The following SFMBT2 variants were observed in gnomAD, a reference collection of about 807,000 sequenced individuals.
SFMBT2 encodes the protein Scm like with four mbt domains 2.
Under a neutral mutation model 110.1 loss-of-function variants are expected in SFMBT2, and 38 were observed. That is an observed-to-expected ratio of 0.35 (90% CI 0.27 to 0.45). The LOEUF (loss-of-function observed/expected upper bound fraction) is 0.45. Among genes scored for constraint, SFMBT2 ranks in the 20% least tolerant of loss-of-function variants. SFMBT2 has a pLI of 1.00. For synonymous variants in SFMBT2, 425 were observed against 425.4 expected, an observed-to-expected ratio of 1.00 and a Z score of 0.01; for missense variants, 1,011 against 1,094.9, an observed-to-expected ratio of 0.92 and a Z score of 1.08.
Position 7,196,312 on chromosome 10 carries a change from C to T in SFMBT2, c.1698+1236G>A, listed in dbSNP as rs138169679. Among the ~76,000 whole-genome samples, 399 of 152,312 alleles carry T rather than the reference C, an allele frequency of 2.6e-3. 2 individuals are homozygous for T. The highest frequency in any genetic ancestry group is 0.016 in the South Asian group (75 of 4,822). On this transcript the variant is annotated intron_variant, in intron 15 of 20. Coordinates refer to ENST00000397167, the MANE Select transcript of SFMBT2 (RefSeq NM_001387889.1). ...AAATCTAATGCACCCTTTTATGCCACGGTTTATCTCCAGCCTAAGTTCCTA... is the reference window on the plus strand; with the variant it reads ...AAATCTAATGCACCCTTTTATGCCATGGTTTATCTCCAGCCTAAGTTCCTA...
At chr10:7,404,837 C>T (rs2132130252) in intron 1 of SFMBT2, among the ~76,000 whole-genome samples, 1 of 152,342 alleles carries the variant, frequency 6.6e-6, no homozygotes, top group African/African-American at 2.4e-5. Flanking sequence ...GGCATCTTCT[C>T]ATCAGCACAG....
intron 11 of SFMBT2, chr10:7,214,471 G>C: frequency 1.3e-6 from 1 of 754,962 alleles, no homozygotes; most frequent in Non-Finnish European, 1.6e-6. Flanking sequence ...ATTGCAGAGT[G>C]ACGCATTTCT....
At chr10:7,224,117 A>G (rs1378773927) in intron 10 of SFMBT2, among the ~76,000 whole-genome samples, 1 of 152,202 alleles carries the variant, frequency 6.6e-6, no homozygotes, top group East Asian at 1.9e-4. Context: ...TGTCTTGAGC[A>G]ATGTGGGAAT....
intron 4 of SFMBT2, among the ~76,000 whole-genome samples, chr10:7,324,593 C>A (rs541345209): frequency 8.5e-5 from 13 of 152,162 alleles, no homozygotes; most frequent in Admixed American, 7.9e-4. Context: ...CCACTATGGT[C>A]CCAAGGGAAT....
At chr10:7,174,992 T>C (rs10437536) in intron 17 of SFMBT2, among the ~76,000 whole-genome samples, 5,364 of 152,134 alleles carry the variant, frequency 0.035, 294 homozygotes, top group African/African-American at 0.11. Flanking sequence ...TGAGAGATAA[T>C]AAAATACAAA....
intron 4 of SFMBT2, among the ~76,000 whole-genome samples, chr10:7,349,440 C>CTTTTTTTTTTTT (rs369479041): frequency 0.025 from 1,156 of 46,830 alleles, 199 homozygotes; most frequent in Non-Finnish European, 0.029. Context: ...CTTTTCTTTT[C>CTTTTTTTTTTTT]TTTTTTTTTT....
chr10:7,170,122 A>C lies in SFMBT2; in HGVS notation c.2544+806T>G, dbSNP rs1299305157. ...CATTATATACAAATTCACAAACAGA[A>C]GACTCTGGAAGGTGGAGAAAGGAGG... is the stretch of plus-strand genomic sequence containing the variant. On this transcript the variant is annotated intron_variant, in intron 20 of 20. Transcript: ENST00000397167. This position sits in a 1 kb window ranked among gnomAD's most constrained non-coding sequence, Gnocchi z 4.6. 9.2e-5 allele frequency among the ~76,000 whole-genome samples: 14 copies of C among 152,172 alleles called. No homozygotes were observed. Among genetic ancestry groups the C allele is most frequent in the African/African-American group, 3.4e-4 (14 of 41,446 alleles).
intron 6 of SFMBT2, among the ~76,000 whole-genome samples, chr10:7,279,185 G>C (rs1281238200): frequency 6.6e-6 from 1 of 152,120 alleles, no homozygotes; most frequent in African/African-American, 2.4e-5. Context: ...CTCACGGAGA[G>C]GATGCTCTGG....
chr10:7,379,585 A>G (rs924651342), intron 2 of SFMBT2, among the ~76,000 whole-genome samples: 1 of 152,146 alleles, frequency 6.6e-6, no homozygotes, highest in African/African-American at 2.4e-5. Flanking sequence ...AACTCTCCTC[A>G]CCGCACAAGT....
At chr10:7,186,425 TACACACACAC>T (rs780362808) in intron 16 of SFMBT2, among the ~76,000 whole-genome samples, 16 of 109,394 alleles carry the variant, frequency 1.5e-4, no homozygotes, top group African/African-American at 4.7e-4. Flanking sequence ...ATACTATATA[TACACACACAC>T]ACACACACAC....
At chr10:7,224,211 T>C (rs1839835807) in intron 10 of SFMBT2, among the ~76,000 whole-genome samples, 1 of 152,206 alleles carries the variant, frequency 6.6e-6, no homozygotes, top group Non-Finnish European at 1.5e-5. Context: ...TTTTCTATTT[T>C]ATCAAGCTAT....
intron 7 of SFMBT2, among the ~76,000 whole-genome samples, chr10:7,250,215 T>G (rs771252344): frequency 3.3e-5 from 5 of 152,130 alleles, no homozygotes; most frequent in Non-Finnish European, 7.4e-5. Context: ...ACCCAATAGG[T>G]AACTTTTCGA....
chr10:7,306,181 C>G (rs1286355785), intron 4 of SFMBT2, among the ~76,000 whole-genome samples: 1 of 152,146 alleles, frequency 6.6e-6, no homozygotes, highest in South Asian at 2.1e-4. Flanking sequence ...TGTGTGGAGT[C>G]AGTCTTCAGT....
chr10:7,211,179 T>G (rs1357914564), intron 11 of SFMBT2, among the ~76,000 whole-genome samples: 1 of 151,800 alleles, frequency 6.6e-6, no homozygotes, highest in East Asian at 1.9e-4. Flanking sequence ...TCCTTCCTCG[T>G]TTTTATTTCT....
intron 4 of SFMBT2, among the ~76,000 whole-genome samples, chr10:7,364,480 T>C (rs1053224001): frequency 5.9e-5 from 9 of 152,218 alleles, no homozygotes; most frequent in African/African-American, 2.2e-4. Flanking sequence ...AAGAATTGAT[T>C]AATAAACTCT....
At chr10:7,315,161 C>T (rs1204971543) in intron 4 of SFMBT2, among the ~76,000 whole-genome samples, 1 of 152,164 alleles carries the variant, frequency 6.6e-6, no homozygotes, top group African/African-American at 2.4e-5. Context: ...TAAAACGTCA[C>T]GATCCCCTGT....
intron 1 of SFMBT2, among the ~76,000 whole-genome samples, chr10:7,400,677 G>C (rs544515045): frequency 3.9e-5 from 6 of 152,332 alleles, no homozygotes. Context: ...GCATTTGGCC[G>C]AACTTCTTTT....
chr10:7,249,043 G>T, intron 7 of SFMBT2: 1 of 927,370 alleles, frequency 1.1e-6, no homozygotes, highest in Non-Finnish European at 1.3e-6. Flanking sequence ...CAGGGCTTCA[G>T]TCAGCACCTT....
chr10:7,392,160 A>C (rs1157663754), intron 1 of SFMBT2, among the ~76,000 whole-genome samples: 2 of 152,232 alleles, frequency 1.3e-5, no homozygotes, highest in African/African-American at 4.8e-5. Flanking sequence ...AAGCTGGTTT[A>C]CTAGCAGGGC....
Sources: gnomAD v4.1 joint callset for allele counts (sites outside exome capture counted in the v4.1 genomes callset) on GRCh38, gnomAD v4.1.1 for gene constraint, Gnocchi (gnomAD v3.1) non-coding constraint, MANE v1.5 for transcripts, NCBI Gene and HGNC (gene_info 2026-07-23, HGNC 2026-07-21) for gene names.